Variants in PLPP3 observed in about 807,000 individuals in gnomAD.
The protein encoded by PLPP3 is PAP2 beta.
PLPP3 carries 6 observed loss-of-function variants against 29.6 expected under a neutral mutation model. That is an observed-to-expected ratio of 0.20 (90% CI 0.11 to 0.40). The LOEUF is 0.40. Among genes scored for constraint, PLPP3 ranks in the 10% least tolerant of loss-of-function variants. The pLI is 1.00. For synonymous variants in PLPP3, 152 were observed against 159.7 expected (o/e 0.95, Z 0.36); for missense variants, 308 against 407.7 (o/e 0.76, Z 2.11).
chr1:56,512,002 G>C lies in PLPP3; in HGVS notation c.784C>G (p.Gln262Glu). 6.2e-7 allele frequency: 1 copy of C among 1,613,444 alleles called. No individual in the cohort carries two copies. Among genetic ancestry groups the C allele is most frequent in the African/African-American group, 1.3e-5 (1 of 75,006 alleles). ...HPSDVLAGFA[Q>E]GALVACCIVF... is the part of the protein sequence containing the mutation. ...ATGCAGCAGGCCACCAGGGCTCCTT[G>C]AGCAAATCCTGCCAGAACATCACTG... The change falls in exon 5 of 6, where the codon CAA becomes GAA. Residue 262 changes from glutamine to glutamate, a missense_variant. Around this residue, in one of 3 missense-constraint regions of PLPP3, gnomAD observed 232 missense variants for 317.2 expected, o/e 0.73. Coordinates refer to ENST00000371250, the MANE Select transcript of PLPP3 (RefSeq NM_003713.5).
At chr1:56,546,348 C>T (rs1236350853) in intron 1 of PLPP3, among the ~76,000 whole-genome samples, 1 of 152,188 alleles carries the variant, frequency 6.6e-6, no homozygotes, top group East Asian at 1.9e-4. Flanking sequence ...GCTTTGTAAA[C>T]ATTTGACTTT....
Position 56,496,652 on chromosome 1 carries a change from TGAA to T in PLPP3, c.832_834del (p.Phe278del), listed in dbSNP as rs1645633115. Reference sequence around the variant, plus strand: ...GGCAGGGAGAGCGTCGTCTTAGTCTTGAAGAGGTCAGACACGAAGAAAACCTAG... The same window carrying T: ...GGCAGGGAGAGCGTCGTCTTAGTCTTGAGGTCAGACACGAAGAAAACCTAG... On this transcript the variant is annotated inframe_deletion, in exon 6 of 6. Coordinates refer to ENST00000371250, the MANE Select transcript of PLPP3 (RefSeq NM_003713.5). The T allele has an allele frequency of 6.2e-7, 1 of 1,612,862 alleles. No homozygotes were observed.
chr1:56,533,908 T>C (rs1645907286), intron 2 of PLPP3, among the ~76,000 whole-genome samples: 1 of 152,192 alleles, frequency 6.6e-6, no homozygotes, highest in African/African-American at 2.4e-5. Context: ...GTTAGGAATA[T>C]TATTACAGAA....
At chr1:56,558,333 C>G (rs1038642832) in intron 1 of PLPP3, among the ~76,000 whole-genome samples, 1 of 152,214 alleles carries the variant, frequency 6.6e-6, no homozygotes, top group African/African-American at 2.4e-5. Context: ...CCAGCATCTT[C>G]CTTTCCAACT....
At chr1:56,535,728 T>G (rs7512545) in intron 2 of PLPP3, among the ~76,000 whole-genome samples, 15,232 of 152,116 alleles carry the variant, frequency 0.1, 1,714 homozygotes, top group African/African-American at 0.27. Flanking sequence ...AGGAGACACA[T>G]GAACTCTAAA....
intron 1 of PLPP3, among the ~76,000 whole-genome samples, chr1:56,551,279 G>GTTTGGTTTGATTT (rs140430491): frequency 7.4e-6 from 1 of 135,924 alleles, no homozygotes; most frequent in African/African-American, 2.7e-5. Context: ...TCTGGGTTTG[G>GTTTGGTTTGATTT]GGTTTGGTTT....
intron 1 of PLPP3, among the ~76,000 whole-genome samples, chr1:56,568,558 T>C (rs564142678): frequency 6.6e-6 from 1 of 152,340 alleles, no homozygotes; most frequent in South Asian, 2.1e-4. Context: ...AAAGTGTTTC[T>C]GGAAGGAGTG....
chr1:56,559,244 G>C (rs917878620), intron 1 of PLPP3, among the ~76,000 whole-genome samples: 1 of 152,208 alleles, frequency 6.6e-6, no homozygotes, highest in African/African-American at 2.4e-5. Context: ...ATTTCTGTGT[G>C]TTGCTTCCAG....
At chr1:56,499,910 G>A (rs1289570600) in intron 5 of PLPP3, among the ~76,000 whole-genome samples, 2 of 152,098 alleles carry the variant, frequency 1.3e-5, no homozygotes, top group Non-Finnish European at 2.9e-5. Flanking sequence ...TACAAATTAA[G>A]TAGCTGTCTT....
At chr1:56,529,142 T>C (rs930138657) in intron 2 of PLPP3, among the ~76,000 whole-genome samples, 4 of 152,052 alleles carry the variant, frequency 2.6e-5, no homozygotes, top group Non-Finnish European at 5.9e-5. Context: ...CACAACACCA[T>C]ATGAATTACT....
intron 2 of PLPP3, among the ~76,000 whole-genome samples, chr1:56,526,230 G>C (rs1319803449): frequency 6.6e-6 from 1 of 152,178 alleles, no homozygotes; most frequent in Non-Finnish European, 1.5e-5. Flanking sequence ...AAAGGGAGCA[G>C]GACGGTAGTC....
intron 2 of PLPP3, among the ~76,000 whole-genome samples, chr1:56,536,194 A>G (rs780676654): frequency 2.6e-5 from 4 of 152,170 alleles, no homozygotes; most frequent in Admixed American, 6.5e-5. Flanking sequence ...TCAAACCTCA[A>G]TACATGATAC....
rs1051823330 is a variant in PLPP3 at position 56,496,347 on chromosome 1, T to C, written c.*204A>G. On this transcript the variant is annotated 3_prime_UTR_variant, in exon 6 of 6. Coordinates refer to ENST00000371250, the MANE Select transcript of PLPP3 (RefSeq NM_003713.5). ...AATTGCACATCCAGGACTCTGGCAC[T>C]TGGTGTTAGTTTGCTGTTGTTTCCA... is the stretch of plus-strand genomic sequence containing the variant. 4 of 513,118 alleles carry C rather than the reference T, an allele frequency of 7.8e-6. No homozygotes were observed. The East Asian group carries it at 1.4e-4, about 19-fold the overall frequency. 31.8% of individuals were successfully genotyped at this position (513,118 alleles called of 1,614,324 possible).
chr1:56,564,984 G>A (rs1646151906), intron 1 of PLPP3, among the ~76,000 whole-genome samples: 1 of 152,236 alleles, frequency 6.6e-6, no homozygotes, highest in Non-Finnish European at 1.5e-5. Context: ...AAGACACTGT[G>A]CTTCTAATGA....
At chr1:56,509,322 T>C (rs1462647332) in intron 5 of PLPP3, among the ~76,000 whole-genome samples, 1 of 152,172 alleles carries the variant, frequency 6.6e-6, no homozygotes, top group East Asian at 1.9e-4. Flanking sequence ...TAAATGATAC[T>C]CTTTAAGCAG....
intron 4 of PLPP3, among the ~76,000 whole-genome samples, chr1:56,517,328 C>T (rs1345634244): frequency 6.6e-6 from 1 of 152,202 alleles, no homozygotes; most frequent in East Asian, 1.9e-4. Flanking sequence ...TGTAGAATCT[C>T]TCTGGAATGT....
intron 1 of PLPP3, among the ~76,000 whole-genome samples, chr1:56,574,660 C>T (rs1198768406): frequency 1.3e-5 from 2 of 152,136 alleles, no homozygotes; most frequent in African/African-American, 2.4e-5. Flanking sequence ...AGGACACATC[C>T]GGCGTAGGAA....
rs1553139335 is a variant in PLPP3, at chr1:56,557,022, G to GAGAGAGAGAGAA, written c.140-19911_140-19910insTTCTCTCTCTCT. On this transcript the variant is annotated intron_variant, in intron 1 of 5. Transcript: ENST00000371250. ...AGAAAGAAAGAAAGAGAGAGAGAGAGAGAAAGAGAGAGAGAGAGAGAGAGA... is the reference window on the plus strand; with the variant it reads ...AGAAAGAAAGAAAGAGAGAGAGAGAGAGAGAGAGAGAAAGAAAGAGAGAGAGAGAGAGAGAGA... 8.4e-4 allele frequency among the ~76,000 whole-genome samples: 11 copies of GAGAGAGAGAGAA among 13,062 alleles called. 2 individuals carry two copies. Among genetic ancestry groups the GAGAGAGAGAGAA allele is most frequent in the South Asian group, 6.7e-3 (4 of 600 alleles). The allele number at this position is 13,062 out of a possible 152,430, so 8.6% of individuals were successfully genotyped here. A position where few individuals can be genotyped will look rare whatever the true frequency, so the allele number is the denominator to read the frequency against.
At chr1:56,567,763 G>A (rs1422632518) in intron 1 of PLPP3, among the ~76,000 whole-genome samples, 1 of 152,144 alleles carries the variant, frequency 6.6e-6, no homozygotes, top group Admixed American at 6.5e-5. Flanking sequence ...CCTCAAAAAG[G>A]TAAACATGGA....
Sources: gnomAD v4.1 joint callset for allele counts (sites outside exome capture counted in the v4.1 genomes callset) on GRCh38, gnomAD v4.1.1 for gene constraint, gnomAD v4.1.1 regional missense constraint, MANE v1.5 for transcripts, NCBI Gene and HGNC (gene_info 2026-07-23, HGNC 2026-07-21) for gene names.